Variants in GRID2 observed in about 807,000 individuals in gnomAD.
The protein encoded by GRID2 is glutamate ionotropic receptor delta type subunit 2, also known as glutamate receptor ionotropic, delta-2.
Under a neutral mutation model 114.8 loss-of-function variants are expected in GRID2, and 33 were observed. The observed-to-expected ratio is 0.29, with a 90% confidence interval of 0.22 to 0.38. GRID2 has a LOEUF of 0.38. Among genes scored for constraint, GRID2 ranks in the 10% least tolerant of loss-of-function variants. The pLI, the probability that GRID2 is intolerant of heterozygous loss-of-function variation, is 1.00. For missense variants in GRID2, 1,184 were observed against 1,257.7 expected, an observed-to-expected ratio of 0.94 and a Z score of 0.89; for synonymous variants, 505 against 449.9, an observed-to-expected ratio of 1.12 and a Z score of -1.55.
Position 92,399,661 on chromosome 4 carries a change from C to CTATA in GRID2, c.88+94918_88+94919insATAT, listed in dbSNP as rs1178051345. The stretch of plus-strand genomic sequence containing the variant: ...GCTCTCTCTCTCTCTCTCTCTCTCT[C>CTATA]TCTCTATATATATATATATATATAC... On this transcript the variant is annotated intron_variant, in intron 1 of 15. Transcript: ENST00000282020. Among the ~76,000 whole-genome samples, 5 of 139,690 alleles carry CTATA rather than the reference C, an allele frequency of 3.6e-5. No individual in the cohort carries two copies. The South Asian group carries it at 6.8e-4, about 19-fold the overall frequency. The allele number at this position is 139,690 out of a possible 152,430, so 91.6% of individuals were successfully genotyped here.
At chr4:92,553,127 G>A (rs535282492) in intron 1 of GRID2, among the ~76,000 whole-genome samples, 15 of 152,192 alleles carry the variant, frequency 9.9e-5, no homozygotes, top group Non-Finnish European at 1.8e-4. Flanking sequence ...TTTCTCCTTC[G>A]AAATTCTTTC....
At chr4:93,603,519 G>T (rs1739910752) in intron 13 of GRID2, among the ~76,000 whole-genome samples, 1 of 152,224 alleles carries the variant, frequency 6.6e-6, no homozygotes, top group Non-Finnish European at 1.5e-5. Flanking sequence ...TGCGGCAGGT[G>T]ATCCAGAAGA....
intron 4 of GRID2, among the ~76,000 whole-genome samples, chr4:93,166,915 A>T (rs140487564): frequency 6.6e-6 from 1 of 152,264 alleles, no homozygotes; most frequent in East Asian, 1.9e-4. Flanking sequence ...CACTAAGCAG[A>T]TGCTCTGTAA....
intron 2 of GRID2, among the ~76,000 whole-genome samples, chr4:92,965,296 A>T (rs750467884): frequency 1.3e-5 from 2 of 151,692 alleles, no homozygotes; most frequent in Admixed American, 6.6e-5. Context: ...CTGACTATAG[A>T]TCACCATAAG....
At chr4:93,192,564 A>G (rs1197470949) in intron 4 of GRID2, among the ~76,000 whole-genome samples, 2 of 151,972 alleles carry the variant, frequency 1.3e-5, no homozygotes, top group African/African-American at 4.8e-5. Flanking sequence ...CAACACGTGG[A>G]AAGGCAAAAC....
chr4:93,210,962 T>C (rs1447033934), intron 5 of GRID2, among the ~76,000 whole-genome samples: 1 of 152,128 alleles, frequency 6.6e-6, no homozygotes, highest in African/African-American at 2.4e-5. Flanking sequence ...AGAGTCATTT[T>C]ACCTATTCAT....
At chr4:93,527,803 A>G (rs1731060409) in intron 13 of GRID2, among the ~76,000 whole-genome samples, 1 of 152,078 alleles carries the variant, frequency 6.6e-6, no homozygotes, top group East Asian at 1.9e-4. Context: ...CATCGCCACC[A>G]TCCATCTCCA....
intron 14 of GRID2, among the ~76,000 whole-genome samples, chr4:93,674,882 C>T (rs1048869419): frequency 1.3e-5 from 2 of 151,828 alleles, no homozygotes; most frequent in African/African-American, 4.8e-5. Context: ...CCCAAAGATT[C>T]TCAAAAAATG....
intron 8 of GRID2, among the ~76,000 whole-genome samples, chr4:93,394,160 C>T (rs913062175): frequency 4.6e-5 from 7 of 151,936 alleles, no homozygotes; most frequent in African/African-American, 7.2e-5. Flanking sequence ...AAAGAAATTT[C>T]GTAAAGTTTT....
chr4:93,644,442 C>T (rs1165510575), intron 14 of GRID2, among the ~76,000 whole-genome samples: 2 of 152,122 alleles, frequency 1.3e-5, no homozygotes, highest in East Asian at 1.9e-4. Context: ...GAGATTTCTA[C>T]TCTGTAAGGT....
chr4:92,326,903 TGCAC>T (rs1359092413), intron 1 of GRID2, among the ~76,000 whole-genome samples: 11 of 151,954 alleles, frequency 7.2e-5, no homozygotes, highest in Non-Finnish European at 1.0e-4. Context: ...ATGCATCCTC[TGCAC>T]TTCTTTTTTC....
chr4:92,922,020 G>A (rs912050423), intron 2 of GRID2, among the ~76,000 whole-genome samples: 6 of 152,202 alleles, frequency 3.9e-5, no homozygotes, highest in African/African-American at 1.4e-4. Flanking sequence ...TGGCCACTTT[G>A]TTTACCTACT....
intron 8 of GRID2, among the ~76,000 whole-genome samples, chr4:93,355,494 G>A (rs1056972289): frequency 2.0e-5 from 3 of 152,064 alleles, no homozygotes; most frequent in Admixed American, 1.3e-4. Flanking sequence ...TATCTCAAGA[G>A]CAAGTGTTCC....
intron 2 of GRID2, among the ~76,000 whole-genome samples, chr4:92,705,929 T>C (rs1734934227): frequency 1.3e-5 from 2 of 152,154 alleles, no homozygotes; most frequent in Non-Finnish European, 2.9e-5. Context: ...AGGAAGTCTA[T>C]CAAAAATGTG....
intron 8 of GRID2, among the ~76,000 whole-genome samples, chr4:93,274,046 ACTTTTT>A (rs36212311): frequency 0.69 from 104,271 of 151,364 alleles, 36,556 homozygotes; most frequent in Middle Eastern, 0.84. Flanking sequence ...TTGAAAAAAT[ACTTTTT>A]CTTTTTTTGT....
intron 2 of GRID2, among the ~76,000 whole-genome samples, chr4:92,885,648 G>A (rs1326078550): frequency 6.6e-6 from 1 of 152,120 alleles, no homozygotes; most frequent in Non-Finnish European, 1.5e-5. Flanking sequence ...ATTGTTTGGG[G>A]ATTCTTTGTT....
intron 1 of GRID2, among the ~76,000 whole-genome samples, chr4:92,562,642 C>T (rs1202421246): frequency 6.6e-6 from 1 of 152,104 alleles, no homozygotes; most frequent in Admixed American, 6.6e-5. Context: ...TAGGCCCGAC[C>T]TAGAAACATG....
At chr4:92,675,551 A>ATTTTTTTT (rs576488084) in intron 2 of GRID2, among the ~76,000 whole-genome samples, 3 of 133,012 alleles carry the variant, frequency 2.3e-5, no homozygotes, top group Non-Finnish European at 3.2e-5. Flanking sequence ...TTGGGCTACA[A>ATTTTTTTT]TTTTTTTTTT....
At position 93,772,811 on chromosome 4, in the gene GRID2, G is replaced by A. The variant is rs536607950; in HGVS notation, c.*313G>A. 3.3e-4 allele frequency: 92 copies of A among 274,884 alleles called. No individual in the cohort carries two copies. Among genetic ancestry groups the A allele is most frequent in the Non-Finnish European group, 5.4e-4 (80 of 147,506 alleles). The allele number at this position is 274,884 out of a possible 1,614,324, so 17.0% of individuals were successfully genotyped here. On this transcript the variant is annotated 3_prime_UTR_variant, in exon 16 of 16. Transcript: ENST00000282020. ...ATCAAGTATAGGAAATGTGCACTGA[G>A]TATACTAAAAGTATATGCAGGATTA...
Sources: gnomAD v4.1 joint callset for allele counts (sites outside exome capture counted in the v4.1 genomes callset) on GRCh38, gnomAD v4.1.1 for gene constraint, MANE v1.5 for transcripts, NCBI Gene and HGNC (gene_info 2026-07-23, HGNC 2026-07-21) for gene names.